The following CYYR1 variants were observed in gnomAD, a reference collection of about 807,000 sequenced individuals.
CYYR1 encodes the protein cysteine and tyrosine-rich protein 1.
Under a neutral mutation model 15.2 loss-of-function variants are expected in CYYR1, and 14 were observed. That is an observed-to-expected ratio of 0.92 (90% confidence interval 0.61 to 1.44). CYYR1 has a LOEUF of 1.44. CYYR1 is among the 40% of genes most tolerant of loss of function. CYYR1 has a pLI of 0.00. For missense variants in CYYR1, 228 were observed against 209.5 expected (o/e 1.09, Z -0.54); for synonymous variants, 80 against 77.4 (o/e 1.03, Z -0.18).
intron 2 of CYYR1, among the ~76,000 whole-genome samples, chr21:26,556,292 G>C (rs184273787): frequency 3.7e-4 from 56 of 152,256 alleles, no homozygotes; most frequent in African/African-American, 1.3e-3. Context: ...ATGAAGAATT[G>C]ATCTGTGTTT....
intron 1 of CYYR1, chr21:26,568,266 T>C (rs1195792669): frequency 1.3e-5 from 2 of 152,178 alleles, no homozygotes; most frequent in Non-Finnish European, 2.9e-5. Flanking sequence ...CCCAAGGGCT[T>C]AGTGGGGATG....
chr21:26,562,091 C>T (rs972248563), intron 2 of CYYR1, among the ~76,000 whole-genome samples: 1 of 152,180 alleles, frequency 6.6e-6, no homozygotes, highest in African/African-American at 2.4e-5. Flanking sequence ...GTTGCTGAAT[C>T]AAATGTTTGA....
chr21:26,547,717 T>C (rs1979070432), intron 2 of CYYR1, among the ~76,000 whole-genome samples: 1 of 152,068 alleles, frequency 6.6e-6, no homozygotes, highest in Non-Finnish European at 1.5e-5. Flanking sequence ...CCTTGGCACC[T>C]AGAGCAGCAT....
At chr21:26,559,408 A>G (rs752379363) in intron 2 of CYYR1, among the ~76,000 whole-genome samples, 23 of 152,166 alleles carry the variant, frequency 1.5e-4, no homozygotes, top group Non-Finnish European at 2.8e-4. Context: ...TGCTCTCTAT[A>G]TTAAAAATTT....
intron 2 of CYYR1, among the ~76,000 whole-genome samples, chr21:26,491,448 G>C (rs763056246): frequency 2.0e-5 from 3 of 152,034 alleles, no homozygotes; most frequent in Non-Finnish European, 4.4e-5. Flanking sequence ...GAGCATATAA[G>C]ACTTAAAAGA....
intron 2 of CYYR1, 125 bp from the exon 3 acceptor site, chr21:26,480,554 G>T: frequency 1.5e-5 from 14 of 917,410 alleles, no homozygotes; most frequent in Admixed American, 3.9e-5. Context: ...ATGTGTGTGT[G>T]TTTTTCTTTT....
At chr21:26,569,752 G>T (rs941757026) in intron 1 of CYYR1, among the ~76,000 whole-genome samples, 4 of 152,126 alleles carry the variant, frequency 2.6e-5, no homozygotes, top group African/African-American at 4.8e-5. Flanking sequence ...TATTAAACTC[G>T]CCATCAATAT....
intron 2 of CYYR1, among the ~76,000 whole-genome samples, chr21:26,548,536 G>A (rs972865971): frequency 1.3e-5 from 2 of 152,156 alleles, no homozygotes; most frequent in Admixed American, 6.5e-5. Flanking sequence ...TTATAGAGAT[G>A]AAGTCTTGCT....
intron 2 of CYYR1, among the ~76,000 whole-genome samples, chr21:26,531,463 C>T (rs1262985711): frequency 6.6e-6 from 1 of 152,142 alleles, no homozygotes; most frequent in African/African-American, 2.4e-5. Flanking sequence ...AATCCCTGGA[C>T]TTCCTCCTTG....
At chr21:26,487,206 A>C (rs2065260770) in intron 2 of CYYR1, among the ~76,000 whole-genome samples, 1 of 152,186 alleles carries the variant, frequency 6.6e-6, no homozygotes, top group East Asian at 1.9e-4. Context: ...TCAAAGGTAA[A>C]AGTATCAGAA....
intron 2 of CYYR1, among the ~76,000 whole-genome samples, chr21:26,537,054 G>T (rs1978309599): frequency 6.6e-6 from 1 of 152,162 alleles, no homozygotes; most frequent in Non-Finnish European, 1.5e-5. Context: ...AATCTTATCT[G>T]GTGTGCGGGT....
chr21:26,486,265 T>A (rs2065246287), intron 2 of CYYR1, among the ~76,000 whole-genome samples: 2 of 152,120 alleles, frequency 1.3e-5, no homozygotes, highest in Non-Finnish European at 2.9e-5. Flanking sequence ...CAAAAGTTTT[T>A]AAATAAAGTC....
chr21:26,500,951 A>T lies in CYYR1; in HGVS notation c.177-20522T>A, dbSNP rs191237368. Among the ~76,000 whole-genome samples the T allele has an allele frequency of 1.9e-3, 289 of 152,320 alleles. 2 individuals carry two copies. Among genetic ancestry groups the T allele is most frequent in the African/African-American group, 6.5e-3 (271 of 41,564 alleles). ...AGAGTTGTGTTTTGCTTATCTATTA[A>T]GCATCATACTTGTACCATGTACCAT... On this transcript the variant is annotated intron_variant, in intron 2 of 3. Coordinates refer to ENST00000652641, the MANE Select transcript of CYYR1 (RefSeq NM_001320768.2).
intron 2 of CYYR1, among the ~76,000 whole-genome samples, chr21:26,498,279 A>G (rs768338255): frequency 4.6e-5 from 7 of 152,344 alleles, no homozygotes; most frequent in South Asian, 2.1e-4. Context: ...CATTCTTGCT[A>G]GCTGATTTGC....
chr21:26,528,000 G>T (rs1374764812), intron 2 of CYYR1, among the ~76,000 whole-genome samples: 1 of 152,112 alleles, frequency 6.6e-6, no homozygotes, highest in Admixed American at 6.6e-5. Context: ...AAAAAATTCA[G>T]CAACACTTAA....
chr21:26,518,936 T>G (rs930244968), intron 2 of CYYR1, among the ~76,000 whole-genome samples: 31 of 152,350 alleles, frequency 2.0e-4, no homozygotes, highest in African/African-American at 7.5e-4. Flanking sequence ...AGAATAGCTT[T>G]GGGTAAACCA....
At chr21:26,476,610 A>ATCTATCTG in intron 3 of CYYR1, among the ~76,000 whole-genome samples, 1 of 151,866 alleles carries the variant, frequency 6.6e-6, no homozygotes, top group East Asian at 1.9e-4. Context: ...CTATCTATCT[A>ATCTATCTG]TCTATCTATC....
chr21:26,550,936 T>A (rs1223299317), intron 2 of CYYR1: 5 of 152,528 alleles, frequency 3.3e-5, no homozygotes, highest in African/African-American at 1.2e-4. Context: ...CATCTAGGAC[T>A]TTCATAGCTA....
At chr21:26,484,057 T>C (rs768121223) in intron 2 of CYYR1, among the ~76,000 whole-genome samples, 1 of 152,140 alleles carries the variant, frequency 6.6e-6, no homozygotes, top group Non-Finnish European at 1.5e-5. Flanking sequence ...TGTCTCATAG[T>C]CAGAAATTTT....
Sources: gnomAD v4.1 joint callset for allele counts (sites outside exome capture counted in the v4.1 genomes callset) on GRCh38, gnomAD v4.1.1 for gene constraint, MANE v1.5 for transcripts, NCBI Gene and HGNC (gene_info 2026-07-23, HGNC 2026-07-21) for gene names.